Variants in ATRX observed in about 807,000 individuals in gnomAD.
ATRX encodes the protein chromatin remodeler ATRX.
Under a neutral mutation model 172.6 loss-of-function variants are expected in ATRX, and 12 were observed. That is an observed-to-expected ratio of 0.07 (90% CI 0.04 to 0.11). The LOEUF (loss-of-function observed/expected upper bound fraction) is 0.11, where lower values mean the gene tolerates loss of function less well. Ranked by LOEUF, ATRX falls within the 10% of genes least tolerant of loss-of-function variation. The probability of loss-of-function intolerance (pLI) is 1.00; values close to 1 mark genes in which losing one functional copy is unlikely to be tolerated. For synonymous variants in ATRX, 674 were observed against 594.7 expected (o/e 1.13, Z -1.94); for missense variants, 1,368 against 1,767.4 (o/e 0.77, Z 4.05).
At chrX:77,781,095 T>G (rs183563080) in intron 1 of ATRX, among the ~76,000 whole-genome samples, 84 of 111,186 alleles carry the variant, frequency 7.6e-4, no homozygotes, top group African/African-American at 2.7e-3. Context: ...CAGTGTTCAT[T>G]CCTCTATACA....
chrX:77,513,241 C>T (rs1236152660), intron 34 of ATRX, among the ~76,000 whole-genome samples: 4 of 92,420 alleles, frequency 4.3e-5, no homozygotes, highest in Non-Finnish European at 8.2e-5. Context: ...GGCCTGAACC[C>T]GGGAGGCGGA....
intron 30 of ATRX, among the ~76,000 whole-genome samples, chrX:77,544,150 T>C (rs1557052165): frequency 2.7e-5 from 3 of 111,407 alleles, no homozygotes; most frequent in African/African-American, 9.8e-5. Context: ...ATTTAAAAGA[T>C]TTCAGAAAAA....
intron 27 of ATRX, among the ~76,000 whole-genome samples, chrX:77,578,831 C>T (rs1251275145): frequency 8.9e-6 from 1 of 112,082 alleles, no homozygotes; most frequent in Non-Finnish European, 1.9e-5. Flanking sequence ...AAGCAACAAA[C>T]GGGCTCTTGG....
chrX:77,646,735 A>G (rs1301714405), intron 15 of ATRX, among the ~76,000 whole-genome samples: 2 of 110,464 alleles, frequency 1.8e-5, no homozygotes, highest in Non-Finnish European at 3.8e-5. Flanking sequence ...AACCTGGGCA[A>G]CACTGTAAGA....
intron 1 of ATRX, among the ~76,000 whole-genome samples, chrX:77,769,315 T>TA (rs1369081085): frequency 9.3e-6 from 1 of 108,077 alleles, no homozygotes; most frequent in African/African-American, 3.4e-5. Context: ...TCTCACCCTG[T>TA]AGCCCAGGCC....
intron 1 of ATRX, among the ~76,000 whole-genome samples, chrX:77,755,669 A>G (rs1557189784): frequency 8.9e-6 from 1 of 111,779 alleles, no homozygotes; most frequent in Non-Finnish European, 1.9e-5. Context: ...GAGGCTGGAG[A>G]ACAGCAAATA....
chrX:77,520,683 C>T, intron 34 of ATRX, 105 bp downstream of exon 34: 1 of 828,366 alleles, frequency 1.2e-6, no homozygotes, highest in Non-Finnish European at 1.7e-6. Flanking sequence ...GACTATCCAT[C>T]CCTCCATAGT....
chrX:77,681,994 C>G lies in ATRX; in HGVS notation c.3262G>C (p.Gly1088Arg), dbSNP rs1406540242. ...AACTTGCACCTTTTCTTCTCTCTACCATATGCTCCATTCTTACTCTTTTTA... is the reference window on the plus strand; with the variant it reads ...AACTTGCACCTTTTCTTCTCTCTACGATATGCTCCATTCTTACTCTTTTTA... ...EDKKSKNGAY[G>R]REKKRCKLLG... Residue 1088 changes from glycine (G) to arginine (R), a missense_variant, in exon 9 of 35, where the codon GGT becomes CGT. Gly to Arg is a moderately radical substitution (Grantham distance 125). Around this residue, in one of 17 missense-constraint regions of ATRX, gnomAD observed 843 missense variants for 643.1 expected, o/e 1.31. Coordinates refer to ENST00000373344, the MANE Select transcript of ATRX (RefSeq NM_000489.6). 8.3e-7 allele frequency: 1 copy of G among 1,210,594 alleles called. No homozygotes were observed. The highest frequency in any genetic ancestry group is 1.1e-6 in the Non-Finnish European group (1 of 894,685).
intron 19 of ATRX, among the ~76,000 whole-genome samples, chrX:77,621,863 C>CA (rs1441369177): frequency 9.2e-6 from 1 of 108,898 alleles, no homozygotes; most frequent in African/African-American, 3.4e-5. Flanking sequence ...ACAACAACAA[C>CA]AACAAAAAAA....
intron 1 of ATRX, among the ~76,000 whole-genome samples, chrX:77,762,289 A>G (rs2075744733): frequency 1.1e-5 from 1 of 93,856 alleles, no homozygotes. Flanking sequence ...TGGGCGACAG[A>G]GCAAGACTCT....
At chrX:77,562,377 T>C (rs1557062472) in intron 28 of ATRX, among the ~76,000 whole-genome samples, 1 of 112,069 alleles carries the variant, frequency 8.9e-6, no homozygotes, top group Non-Finnish European at 1.9e-5. Context: ...GTTTTGTTTT[T>C]TTAAACTGCC....
chrX:77,633,488 T>TA lies in ATRX; in HGVS notation c.4956+77dup, dbSNP rs1211609773. 1.6e-5 allele frequency: 17 copies of TA among 1,096,354 alleles called. 1 individual carries two copies. The highest frequency in any genetic ancestry group is 8.0e-5 in the Admixed American group (3 of 37,564). 90.4% of individuals were successfully genotyped at this position (1,096,354 alleles called of 1,213,427 possible). On this transcript the variant is annotated intron_variant, in intron 18 of 34. Transcript: ENST00000373344. ...TCACTGGTTAAAAAACATTAAAAAT[T>TA]AAAAAAAATTAAAAATAGTTTACTA...
chrX:77,604,725 C>T (rs5959161), intron 22 of ATRX, among the ~76,000 whole-genome samples: 1,259 of 112,160 alleles, frequency 0.011, 17 homozygotes, highest in African/African-American at 0.039. Flanking sequence ...TAGCACTATT[C>T]ACAATAGCAA....
At chrX:77,714,119 G>A (rs1557163285) in intron 2 of ATRX, among the ~76,000 whole-genome samples, 1 of 111,575 alleles carries the variant, frequency 9.0e-6, no homozygotes, top group Admixed American at 9.6e-5. Context: ...AGGGCATCAC[G>A]TGAGAAGAAA....
intron 8 of ATRX, among the ~76,000 whole-genome samples, 170 bp downstream of exon 8, chrX:77,684,769 C>G (rs1377485396): frequency 1.8e-5 from 2 of 112,127 alleles, no homozygotes; most frequent in Non-Finnish European, 3.8e-5. Flanking sequence ...TCTGCTTACT[C>G]TTTATTAGAA....
intron 2 of ATRX, among the ~76,000 whole-genome samples, chrX:77,701,770 T>C (rs2072528553): frequency 9.0e-6 from 1 of 111,605 alleles, no homozygotes; most frequent in Non-Finnish European, 1.9e-5. Flanking sequence ...GGTATGAAAC[T>C]ATTCCTATTA....
intron 6 of ATRX, among the ~76,000 whole-genome samples, chrX:77,691,826 G>C (rs1371439139): frequency 8.9e-6 from 1 of 111,732 alleles, no homozygotes; most frequent in Admixed American, 9.5e-5. Context: ...TGTATATAAA[G>C]TAAACCTAGT....
rs782819716 is a variant in ATRX, at chrX:77,596,260, C to T, written c.5957-2411G>A. The T allele has an allele frequency of 3.6e-5, 4 of 111,040 alleles. No individual in the cohort carries two copies. The East Asian group carries it at 8.4e-4, about 23-fold the overall frequency. The allele number at this position is 111,040 out of a possible 1,213,427, so 9.2% of individuals were successfully genotyped here. A position where few individuals can be genotyped will look rare whatever the true frequency, so the allele number is the denominator to read the frequency against. On this transcript the variant is annotated intron_variant, in intron 25 of 34. Coordinates refer to ENST00000373344, the MANE Select transcript of ATRX (RefSeq NM_000489.6). ...TAATACTTCCTTCAGATTATGAGAC[C>T]GATGTGCTGCCTACTGCGCTAAGGA...
chrX:77,565,849 G>A (rs1230426296), intron 28 of ATRX, among the ~76,000 whole-genome samples: 1 of 105,634 alleles, frequency 9.5e-6, no homozygotes, highest in African/African-American at 3.5e-5. Context: ...GTGAGACCCT[G>A]TCTCAAAAAA....
Sources: gnomAD v4.1 joint callset for allele counts (sites outside exome capture counted in the v4.1 genomes callset) on GRCh38, gnomAD v4.1.1 for gene constraint, gnomAD v4.1.1 regional missense constraint, MANE v1.5 for transcripts, NCBI Gene and HGNC (gene_info 2026-07-23, HGNC 2026-07-21) for gene names.